MORF4L2: variants seen among roughly 807,000 people sequenced by gnomAD.
The protein encoded by MORF4L2 is mortality factor 4-like protein 2.
A neutral mutation model predicts 12.0 loss-of-function variants in MORF4L2; 1 was observed. The observed-to-expected ratio is 0.08, with a 90% confidence interval of 0.03 to 0.40. The LOEUF (loss-of-function observed/expected upper bound fraction) is 0.40, where lower values mean the gene tolerates loss of function less well. MORF4L2 is among the 10% of genes least tolerant of loss of function. The pLI, the probability that MORF4L2 is intolerant of heterozygous loss-of-function variation, is 0.98. For missense variants in MORF4L2, 123 were observed against 214.0 expected, an observed-to-expected ratio of 0.57 and a Z score of 2.65; for synonymous variants, 69 against 81.6, an observed-to-expected ratio of 0.85 and a Z score of 0.83.
At chrX:103,682,080 G>A (rs181872592) in intron 2 of MORF4L2, among the ~76,000 whole-genome samples, 3 of 111,484 alleles carry the variant, frequency 2.7e-5, no homozygotes, top group African/African-American at 9.8e-5. Context: ...ATACACATAG[G>A]TATGTGAATA....
At chrX:103,677,169 C>T in intron 3 of MORF4L2, 118 bp from the exon 4 acceptor site, 1 of 548,259 alleles carries the variant, frequency 1.8e-6, no homozygotes, top group Non-Finnish European at 2.7e-6. Context: ...ATTTCAAATC[C>T]TATTTCAGGA....
rs1392603007 is a variant in MORF4L2, at chrX:103,678,617, G to T, written c.-143C>A. ...AGATACAACCTAGAAAGAAAGGCAG[G>T]TATCTGCAATGAAGATGAACTTTTG... is the stretch of plus-strand genomic sequence containing the variant. On this transcript the variant is annotated 5_prime_UTR_variant, in exon 3 of 4. Transcript: ENST00000441076. 8.9e-6 allele frequency: 1 copy of T among 111,749 alleles called. No individual in the cohort carries two copies. The highest frequency in any genetic ancestry group is 1.9e-5 in the Non-Finnish European group (1 of 53,120). 9.2% of individuals were successfully genotyped at this position (111,749 alleles called of 1,213,427 possible).
intron 1 of MORF4L2, among the ~76,000 whole-genome samples, chrX:103,685,771 T>G (rs998156751): frequency 9.0e-6 from 1 of 111,474 alleles, no homozygotes; most frequent in African/African-American, 3.3e-5. Flanking sequence ...TTTTGTTTCA[T>G]CTATACCCCT....
Position 103,676,874 on chromosome X carries a change from C to G in MORF4L2, c.154G>C (p.Glu52Gln), listed in dbSNP as rs1379344384. 8.3e-7 allele frequency: 1 copy of G among 1,208,503 alleles called. No individual in the cohort carries two copies. The highest frequency in any genetic ancestry group is 1.1e-6 in the Non-Finnish European group (1 of 894,926). The change falls in exon 4 of 4, where the codon GAA (glutamate) becomes CAA (glutamine). Residue 52 changes from glutamate (E) to glutamine (Q), a missense_variant. By Grantham distance (29) the Glu-to-Gln change is conservative (BLOSUM62 2). Coordinates refer to ENST00000441076, the MANE Select transcript of MORF4L2 (RefSeq NM_012286.3). ...CCCCATCTTCCTGGGAGAGCTGGTT[C>G]AAGATTTTTCTGCTGTGGACCAGCT... The part of the protein sequence containing the change: ...KTAGPQQKNL[E>Q]PALPGRWGGR...
rs1386124584 is a variant in MORF4L2 at position 103,676,703 on chromosome X, C to T, written c.325G>A (p.Val109Ile). 5 of 1,208,520 alleles carry T rather than the reference C, an allele frequency of 4.1e-6. No individual in the cohort carries two copies. The highest frequency in any genetic ancestry group is 5.6e-6 in the Non-Finnish European group (5 of 894,679). Reference protein sequence around the residue: ...RKKRARADPTVESEEAFKNRM... With the variant: ...RKKRARADPTIESEEAFKNRM... ...TTCTTAAACGCCTCCTCACTTTCAA[C>T]AGTGGGGTCTGCCCGGGCCCTTTTC... is the stretch of plus-strand genomic sequence containing the variant. The change falls in exon 4 of 4, where the codon GTT becomes ATT. Residue 109 changes from valine to isoleucine, a missense_variant. By Grantham distance (29) the Val-to-Ile change is conservative (BLOSUM62 3). Transcript: ENST00000441076.
chrX:103,686,017 A>G (rs2074094701), intron 1 of MORF4L2, among the ~76,000 whole-genome samples: 1 of 110,221 alleles, frequency 9.1e-6, no homozygotes, highest in African/African-American at 3.3e-5. Context: ...CGTCTTAAAC[A>G]TATTTTTACA....
intron 2 of MORF4L2, among the ~76,000 whole-genome samples, chrX:103,682,717 A>AT (rs1238868704): frequency 1.8e-5 from 2 of 111,543 alleles, no homozygotes; most frequent in South Asian, 7.3e-4. Flanking sequence ...TATGTTGGAA[A>AT]TTTTTTTCCA....
chrX:103,679,951 C>T (rs1055388073), intron 2 of MORF4L2, among the ~76,000 whole-genome samples: 1 of 109,631 alleles, frequency 9.1e-6, no homozygotes, highest in East Asian at 2.9e-4. Flanking sequence ...TTTGGGTGGC[C>T]GAGGTGGCCA....
In MORF4L2 at chrX:103,676,244, A is replaced by G; in HGVS notation, c.784T>C (p.Tyr262His). The change falls in exon 4 of 4, where the codon TAT becomes CAT. Residue 262 changes from tyrosine to histidine, a missense_variant. By Grantham distance (83) the Tyr-to-His change is moderately conservative (BLOSUM62 2). Coordinates refer to ENST00000441076, the MANE Select transcript of MORF4L2 (RefSeq NM_012286.3). ...AGAGATGCAGAATTCTTTGCCAGAT[A>G]TTTTAGGAAATCATGCAAATAGCCC... ...LLGYLHDFLKYLAKNSASLFT... is the reference protein window; with the variant it reads ...LLGYLHDFLKHLAKNSASLFT... The G allele has an allele frequency of 3.3e-6, 4 of 1,210,898 alleles. No individual in the cohort carries two copies. Among genetic ancestry groups the G allele is most frequent in the East Asian group, 3.0e-5 (1 of 33,840 alleles).
chrX:103,680,401 C>A (rs1406702425), intron 2 of MORF4L2, among the ~76,000 whole-genome samples: 6 of 112,354 alleles, frequency 5.3e-5, no homozygotes, highest in African/African-American at 1.9e-4. Flanking sequence ...GGAGACTGAT[C>A]CCTGTGGGAA....
intron 2 of MORF4L2, chrX:103,684,949 G>A (rs1457963237): frequency 8.9e-6 from 1 of 112,548 alleles, no homozygotes; most frequent in South Asian, 3.6e-4. Flanking sequence ...GAGATTGACT[G>A]TAGTATCTTT....
chrX:103,679,494 T>C (rs2073931270), intron 2 of MORF4L2, among the ~76,000 whole-genome samples: 1 of 108,395 alleles, frequency 9.2e-6, no homozygotes, highest in East Asian at 2.9e-4. Context: ...CACTGCACTC[T>C]AGCCTGGGCG....
chrX:103,677,599 T>C (rs181039538), intron 3 of MORF4L2, among the ~76,000 whole-genome samples: 24 of 112,092 alleles, frequency 2.1e-4, no homozygotes, highest in African/African-American at 7.1e-4. Flanking sequence ...GGGTAATTAA[T>C]GAACTTAATG....
intron 3 of MORF4L2, 88 bp from the exon 4 acceptor site, chrX:103,677,139 C>T (rs2073865463): frequency 2.8e-6 from 2 of 707,093 alleles, no homozygotes; most frequent in African/African-American, 4.6e-5. Context: ...ATAACACATT[C>T]TAACTCCCTT....
At chrX:103,685,615 C>T (rs868487461) in intron 1 of MORF4L2, 3 of 109,441 alleles carry the variant, frequency 2.7e-5, no homozygotes, top group Non-Finnish European at 5.7e-5. Flanking sequence ...TGCTCCCCCC[C>T]ACCCCCGACT....
chrX:103,687,254 G>C (rs1273459481), upstream of MORF4L2: 3 of 111,257 alleles, frequency 2.7e-5, no homozygotes, highest in African/African-American at 9.8e-5. Context: ...GTCAAATCTG[G>C]GGCCACGCCC....
chrX:103,687,211 G>A (rs1328688409), upstream of MORF4L2: 1 of 109,589 alleles, frequency 9.1e-6, no homozygotes, highest in Non-Finnish European at 1.9e-5. Context: ...AGGCGGAAAT[G>A]AGCTAAGGTT....
At chrX:103,685,674 A>G (rs1018285259) in intron 1 of MORF4L2, among the ~76,000 whole-genome samples, 1 of 107,717 alleles carries the variant, frequency 9.3e-6, no homozygotes, top group Non-Finnish European at 1.9e-5. Flanking sequence ...TTATAGAAAA[A>G]TTTAAACGTA....
Position 103,676,207 on chromosome X carries a change from C to T in MORF4L2, c.821G>A (p.Ser274Asn). ...AKNSASLFTA[S>N]DYKVASAEYH... ...CTCAGCAGAAGCCACTTTGTAATCACTGGCAGTAAAGAGAGATGCAGAATT... is the reference window on the plus strand; with the variant it reads ...CTCAGCAGAAGCCACTTTGTAATCATTGGCAGTAAAGAGAGATGCAGAATT... The change falls in exon 4 of 4, where the codon AGT becomes AAT. Residue 274 changes from serine (S) to asparagine (N), a missense_variant. By Grantham distance (46) the Ser-to-Asn change is conservative (BLOSUM62 1). Coordinates refer to ENST00000441076, the MANE Select transcript of MORF4L2 (RefSeq NM_012286.3). 8.3e-7 allele frequency: 1 copy of T among 1,209,984 alleles called. No homozygotes were observed. Among genetic ancestry groups the T allele is most frequent in the South Asian group, 1.8e-5 (1 of 56,638 alleles).
Sources: allele counts gnomAD v4.1 joint callset (sites outside exome capture counted in the v4.1 genomes callset), GRCh38; gene constraint gnomAD v4.1.1; transcripts MANE v1.5; gene names NCBI Gene and HGNC (gene_info 2026-07-23, HGNC 2026-07-21).